Variants in KIAA1755 observed in about 807,000 individuals in gnomAD.
KIAA1755 encodes the protein KIAA1755, also known as uncharacterized protein KIAA1755.
A neutral mutation model predicts 91.7 loss-of-function variants in KIAA1755; 68 were observed. The ratio of observed to expected loss-of-function variants is 0.74; its 90% CI spans 0.61 to 0.91. The LOEUF (loss-of-function observed/expected upper bound fraction) is 0.91, where lower values mean the gene tolerates loss of function less well. Ranked by LOEUF, KIAA1755 falls within the 40% of genes least tolerant of loss-of-function variation. The probability of loss-of-function intolerance (pLI) is 0.00; values close to 1 mark genes in which losing one functional copy is unlikely to be tolerated. For missense variants in KIAA1755, 1,535 were observed against 1,494.4 expected (o/e 1.03, Z -0.45); for synonymous variants, 610 against 604.6 (o/e 1.01, Z -0.13).
At chr20:38,229,297 T>C (rs1416637473) in intron 5 of KIAA1755, among the ~76,000 whole-genome samples, 1 of 152,232 alleles carries the variant, frequency 6.6e-6, no homozygotes, top group South Asian at 2.1e-4. Context: ...TGAGGACTGA[T>C]GAATTCATTC....
intron 1 of KIAA1755, among the ~76,000 whole-genome samples, chr20:38,248,249 C>A (rs374657542): frequency 1.3e-5 from 2 of 152,120 alleles, no homozygotes; most frequent in Admixed American, 6.5e-5. Flanking sequence ...AAATAAATAG[C>A]GGAAATATGA....
chr20:38,243,599 C>T (rs1285328628), intron 2 of KIAA1755, among the ~76,000 whole-genome samples: 1 of 152,206 alleles, frequency 6.6e-6, no homozygotes, highest in Non-Finnish European at 1.5e-5. Flanking sequence ...AACTGAGGCT[C>T]AGTGTGGTGA....
intron 13 of KIAA1755, among the ~76,000 whole-genome samples, chr20:38,215,281 C>T (rs2075524702): frequency 2.0e-5 from 3 of 152,246 alleles, no homozygotes; most frequent in South Asian, 2.1e-4. Context: ...GCTACCTCCC[C>T]CGTATGACTT....
At chr20:38,222,838 A>C in intron 9 of KIAA1755, 1 of 589,974 alleles carries the variant, frequency 1.7e-6, no homozygotes, top group Non-Finnish European at 3.1e-6. Flanking sequence ...CTCTTCGCTG[A>C]TCTCCCTGCT....
In KIAA1755 at chr20:38,212,810, C is replaced by T. The variant is rs1482561499; in HGVS notation, c.*232G>A. 1.5e-5 allele frequency: 7 copies of T among 476,186 alleles called. No individual in the cohort carries two copies. Among genetic ancestry groups the T allele is most frequent in the South Asian group, 4.7e-5 (1 of 21,248 alleles). 29.5% of individuals were successfully genotyped at this position (476,186 alleles called of 1,614,324 possible). A position where few individuals can be genotyped will look rare whatever the true frequency, so the allele number is the denominator to read the frequency against. The stretch of plus-strand genomic sequence containing the variant: ...AGCCAATCACACCATTTATTGTGCC[C>T]TGGTTCTGACGCCCACTCTTGCTAT... On this transcript the variant is annotated 3_prime_UTR_variant, in exon 14 of 14. Coordinates refer to ENST00000279024, the MANE Select transcript of KIAA1755 (RefSeq NM_001029864.2).
chr20:38,219,632 G>A lies in KIAA1755; in HGVS notation c.2554C>T (p.Gln852Ter). The change falls in exon 11 of 14, where the codon CAG (glutamine) becomes TAG (stop). Residue 852 changes from glutamine (Q) to a stop codon, truncating the protein, a stop_gained and splice_region_variant. Coordinates refer to ENST00000279024, the MANE Select transcript of KIAA1755 (RefSeq NM_001029864.2). LOFTEE classifies it high-confidence loss of function. ...CCCAAGCCAGACACCCCTTTCACCTGGTGAATGGCAGCTTCCAGGCGGCCC... is the reference window on the plus strand; with the variant it reads ...CCCAAGCCAGACACCCCTTTCACCTAGTGAATGGCAGCTTCCAGGCGGCCC... ...RLGRLEAAIHQVSDWMEQEGR... is the reference protein window; with the variant it reads ...RLGRLEAAIH 6.2e-7 allele frequency: 1 copy of A among 1,613,992 alleles called. No individual in the cohort carries two copies. The highest frequency in any genetic ancestry group is 8.5e-7 in the Non-Finnish European group (1 of 1,180,008).
intron 5 of KIAA1755, among the ~76,000 whole-genome samples, chr20:38,228,644 A>G (rs1276732174): frequency 1.3e-5 from 2 of 152,200 alleles, no homozygotes; most frequent in Non-Finnish European, 2.9e-5. Flanking sequence ...TGAGGCCAAC[A>G]GTAGTGACGT....
intron 1 of KIAA1755, among the ~76,000 whole-genome samples, chr20:38,249,421 G>A (rs2076209350): frequency 6.6e-6 from 1 of 152,202 alleles, no homozygotes; most frequent in African/African-American, 2.4e-5. Flanking sequence ...GGCCCCTGAA[G>A]AAAGAGAAAT....
chr20:38,250,287 T>C (rs906284426), intron 1 of KIAA1755, among the ~76,000 whole-genome samples: 3 of 152,176 alleles, frequency 2.0e-5, no homozygotes, highest in Admixed American at 6.5e-5. Context: ...GCAAGTCAGA[T>C]TTAACTCGTT....
At chr20:38,249,800 C>G (rs1352936269) in intron 1 of KIAA1755, among the ~76,000 whole-genome samples, 1 of 152,100 alleles carries the variant, frequency 6.6e-6, no homozygotes, top group Non-Finnish European at 1.5e-5. Flanking sequence ...CTAATCCCCC[C>G]CCAACCCCCA....
Position 38,241,708 on chromosome 20 carries a change from G to A in KIAA1755, c.423C>T (p.Tyr141=), listed in dbSNP as rs1743614195. ...VDKKPVPEPA[Y]PILFTQEWLE... is the part of the protein sequence containing the mutation. ...GCCATTCTTGGGTGAAAAGTATAGG[G>A]TAGGCTGGCTCTGGAACAGGCTTCT... The change falls in exon 3 of 14, where the codon TAC becomes TAT. Residue 141 remains tyrosine (Y), a synonymous_variant. Transcript: ENST00000279024. 6.2e-7 allele frequency: 1 copy of A among 1,614,112 alleles called. No individual in the cohort carries two copies.
intron 3 of KIAA1755, 96 bp from the exon 4 acceptor site, chr20:38,239,821 C>T: frequency 4.5e-6 from 5 of 1,110,784 alleles, no homozygotes; most frequent in Non-Finnish European, 6.6e-6. Context: ...CTAATAATAG[C>T]TTACAACTAT....
At position 38,219,706 on chromosome 20, in the gene KIAA1755, A is replaced by G. The variant is rs527342049; in HGVS notation, c.2480T>C (p.Val827Ala). ...CCCCAGGAGGCTGTTGGAAGCGGTG[A>G]CCAGAACATGAAGCTGCTCGTCCAC... ...SLVDEQLHVL[V>A]TASNSLLGKL... The change falls in exon 11 of 14, where the codon GTC (valine) becomes GCC (alanine). Residue 827 changes from valine to alanine, a missense_variant. Coordinates refer to ENST00000279024, the MANE Select transcript of KIAA1755 (RefSeq NM_001029864.2). The G allele has an allele frequency of 6.2e-7, 1 of 1,614,178 alleles. No homozygotes were observed. Among genetic ancestry groups the G allele is most frequent in the South Asian group, 1.1e-5 (1 of 91,086 alleles).
intron 7 of KIAA1755, 127 bp from the exon 8 acceptor site, chr20:38,225,908 A>G (rs2075749262): frequency 5.4e-6 from 3 of 560,212 alleles, no homozygotes; most frequent in Middle Eastern, 9.6e-4. Flanking sequence ...CAGCTTTAAA[A>G]GTTGCTTTGC....
At chr20:38,254,352 A>G (rs751271123) in intron 1 of KIAA1755, among the ~76,000 whole-genome samples, 33 of 91,198 alleles carry the variant, frequency 3.6e-4, no homozygotes, top group East Asian at 1.0e-3. Flanking sequence ...TTCCTTGGGG[A>G]AAAAAAAAAT....
In KIAA1755 at chr20:38,241,149, C is replaced by T. The variant is rs2076054731; in HGVS notation, c.982G>A (p.Glu328Lys). Residue 328 changes from glutamate (E) to lysine (K), a missense_variant, in exon 3 of 14, where the codon GAA (glutamate) becomes AAA (lysine). Transcript: ENST00000279024. ...QKILPLSEAN[E>K]GPSLGNRACT... ...GCCCGATTTCCCAAGGAAGGTCCTTCATTGGCCTCTGAGAGAGGCAGTATC... is the reference window on the plus strand; with the variant it reads ...GCCCGATTTCCCAAGGAAGGTCCTTTATTGGCCTCTGAGAGAGGCAGTATC... 1 of 1,614,148 alleles carries T rather than the reference C, an allele frequency of 6.2e-7. No homozygotes were observed. The highest frequency in any genetic ancestry group is 8.5e-7 in the Non-Finnish European group (1 of 1,179,996).
At chr20:38,256,186 G>T (rs982973597) in intron 1 of KIAA1755, among the ~76,000 whole-genome samples, 8 of 152,096 alleles carry the variant, frequency 5.3e-5, no homozygotes, top group Admixed American at 2.0e-4. Flanking sequence ...ACCACGCCAG[G>T]CTCCTCTTAG....
Position 38,260,676 on chromosome 20 carries a change from C to T in KIAA1755, c.-176G>A. On this transcript the variant is annotated 5_prime_UTR_variant, in exon 1 of 14. Transcript: ENST00000279024. ...ATCTCGGAGGAGCGGCCGGGGAGGACAGGGAGAGAGACTGAGAGAGAGACA... is the reference window on the plus strand; with the variant it reads ...ATCTCGGAGGAGCGGCCGGGGAGGATAGGGAGAGAGACTGAGAGAGAGACA... The T allele has an allele frequency of 3.2e-6, 2 of 628,372 alleles. No homozygotes were observed. The highest frequency in any genetic ancestry group is 4.8e-6 in the Non-Finnish European group (2 of 417,974). The allele number at this position is 628,372 out of a possible 1,614,324, so 38.9% of individuals were successfully genotyped here. A position where few individuals can be genotyped will look rare whatever the true frequency, so the allele number is the denominator to read the frequency against.
At chr20:38,240,000 G>T (rs974953986) in intron 3 of KIAA1755, among the ~76,000 whole-genome samples, 3 of 152,098 alleles carry the variant, frequency 2.0e-5, no homozygotes, top group Admixed American at 2.0e-4. Context: ...GGGCTTGAAA[G>T]ATCCTCCCAC....
Sources: gnomAD v4.1 joint callset for allele counts (sites outside exome capture counted in the v4.1 genomes callset) on GRCh38, gnomAD v4.1.1 for gene constraint, MANE v1.5 for transcripts, NCBI Gene and HGNC (gene_info 2026-07-23, HGNC 2026-07-21) for gene names.